Variants in CALCA observed in about 807,000 individuals in gnomAD.
CALCA encodes the protein calcitonin related polypeptide alpha, also known as calcitonin.
Under a neutral mutation model 6.9 loss-of-function variants are expected in CALCA, and 4 were observed. The ratio of observed to expected loss-of-function variants is 0.58; its 90% CI spans 0.29 to 1.33. The LOEUF (loss-of-function observed/expected upper bound fraction) is 1.33, where lower values mean the gene tolerates loss of function less well. Ranked by LOEUF, CALCA falls within the 40% of genes most tolerant of loss-of-function variation. The pLI is 0.09. For synonymous variants in CALCA, 78 were observed against 70.0 expected, an observed-to-expected ratio of 1.11 and a Z score of -0.57; for missense variants, 174 against 178.3, an observed-to-expected ratio of 0.98 and a Z score of 0.14.
rs182043571 is a variant in CALCA, at chr11:14,972,066, G to T, written c.-10+179C>A. ...GCCGAGCAGGAAGAGCGAGCCGGGG[G>T]ATTGAGACTGTCCGATCCAACCTAG... On this transcript the variant is annotated intron_variant, in intron 1 of 3. Coordinates refer to ENST00000331587, the MANE Select transcript of CALCA (RefSeq NM_001741.3). Among the ~76,000 whole-genome samples the T allele has an allele frequency of 7.2e-5, 11 of 152,326 alleles. No homozygotes were observed. In the East Asian group the frequency reaches 2.1e-3, roughly 29 times the overall value.
downstream of CALCA, chr11:14,968,330 G>A: frequency 1.9e-6 from 1 of 534,190 alleles, no homozygotes; most frequent in African/African-American, 2.0e-5. Context: ...TCCTAGAGGT[G>A]CTTACCTGCT....
At chr11:14,968,449 C>T (rs1849507747), downstream of CALCA, 2 of 1,211,724 alleles carry the variant, frequency 1.7e-6, no homozygotes, top group Admixed American at 3.6e-5. Context: ...AGGTCTTAGA[C>T]ACTATGAAGC....
intron 2 of CALCA, 62 bp downstream of exon 2, chr11:14,971,045 C>T (rs2133585540): frequency 1.4e-6 from 2 of 1,407,608 alleles, no homozygotes; most frequent in African/African-American, 1.4e-5. Flanking sequence ...ATTCAGTACA[C>T]CACACTTAAG....
chr11:14,968,312 G>T (rs1849504020), downstream of CALCA: 1 of 423,496 alleles, frequency 2.4e-6, no homozygotes, highest in Non-Finnish European at 3.8e-6. Context: ...GGAGTTTGCA[G>T]CATCAAGTCC....
rs549646577 is a variant in CALCA at position 14,968,633 on chromosome 11, A to G, written c.*166T>C. ...TATTTTCCCAGGTGATTCTCTTCCA[A>G]CCTGTGAGTCCTGCTCTCTTTCCTC... On this transcript the variant is annotated 3_prime_UTR_variant, in exon 4 of 4. Transcript: ENST00000331587. The G allele has an allele frequency of 2.2e-4, 350 of 1,565,532 alleles. 3 individuals carry two copies. The African/African-American group carries it at 4.4e-3, about 20-fold the overall frequency.
chr11:14,968,205 T>C, downstream of CALCA: 1 of 347,056 alleles, frequency 2.9e-6, no homozygotes, highest in South Asian at 2.9e-5. Flanking sequence ...CCCAGCCCCA[T>C]TCACAAAGGA....
rs781865604 is a variant in CALCA at position 14,969,954 on chromosome 11, G to A, written c.208C>T (p.Gln70Ter). 2 of 1,613,336 alleles carry A rather than the reference G, an allele frequency of 1.2e-6. No homozygotes were observed. The highest frequency in any genetic ancestry group is 1.1e-5 in the South Asian group (1 of 91,044). Residue 70 changes from glutamine to a stop codon, truncating the protein, a stop_gained, in exon 3 of 4, where the codon CAA becomes TAA. Transcript: ENST00000331587. LOFTEE classifies it low-confidence loss of function (END_TRUNC). ...CCTCACCTGGAGCCCTCTCTCTCTTGCTCCTGCTCCAGCTCACTGGCCTTC... is the reference window on the plus strand; with the variant it reads ...CCTCACCTGGAGCCCTCTCTCTCTTACTCCTGCTCCAGCTCACTGGCCTTC... ...QMKASELEQE[Q>*]EREGSSLDSP...
rs1555026213 is a variant in CALCA, at chr11:14,970,113, C to A, written c.87-38G>T. 6 of 1,611,018 alleles carry A rather than the reference C, an allele frequency of 3.7e-6. No homozygotes were observed. The African/African-American group carries it at 6.7e-5, about 18-fold the overall frequency. On this transcript the variant is annotated intron_variant, in intron 2 of 3. Coordinates refer to ENST00000331587, the MANE Select transcript of CALCA (RefSeq NM_001741.3). Reference sequence around the variant, plus strand: ...AGCAAACTCAGTGCAGGCTGTGAGCCCCTGCCTGCCCCTCCCCAGGATAAG... The same window carrying A: ...AGCAAACTCAGTGCAGGCTGTGAGCACCTGCCTGCCCCTCCCCAGGATAAG...
downstream of CALCA, chr11:14,967,884 G>A: frequency 1.2e-6 from 2 of 1,614,072 alleles, no homozygotes; most frequent in Non-Finnish European, 1.7e-6. Context: ...AAGAAGAGAA[G>A]ATCTGTGAGT....
chr11:14,971,040 G>C, intron 2 of CALCA, 67 bp downstream of exon 2: 1 of 1,360,144 alleles, frequency 7.4e-7, no homozygotes, highest in Non-Finnish European at 1.1e-6. Context: ...TAAGCATTCA[G>C]TACACCACAC....
chr11:14,968,779 T>G lies in CALCA; in HGVS notation c.*20A>C, dbSNP rs782409051. On this transcript the variant is annotated 3_prime_UTR_variant, in exon 4 of 4. Transcript: ENST00000331587. ...ATAGGAAGGATGCAAGAAGGGAAAT[T>G]AGGAAGGAAAGGGAGGAGTTTAGTT... The G allele has an allele frequency of 6.2e-7, 1 of 1,613,980 alleles. No homozygotes were observed. Among genetic ancestry groups the G allele is most frequent in the East Asian group, 2.2e-5 (1 of 44,868 alleles).
chr11:14,968,313 C>T, downstream of CALCA: 2 of 426,652 alleles, frequency 4.7e-6, no homozygotes, highest in South Asian at 5.9e-5. Context: ...GAGTTTGCAG[C>T]ATCAAGTCCT....
At chr11:14,967,395 G>C (rs980764953), downstream of CALCA, among the ~76,000 whole-genome samples, 1 of 152,092 alleles carries the variant, frequency 6.6e-6, no homozygotes, top group African/African-American at 2.4e-5. Flanking sequence ...AAACTCAAAG[G>C]CTAGAATAAT....
Position 14,968,718 on chromosome 11 carries a change from G to A in CALCA, c.*81C>T, listed in dbSNP as rs1335666949. ...AAAGCCACCAATACCAGCCCAAAGA[G>A]CCACCAGAGAGGAACCAAACCACAT... On this transcript the variant is annotated 3_prime_UTR_variant, in exon 4 of 4. Transcript: ENST00000331587. 6.2e-7 allele frequency: 1 copy of A among 1,612,814 alleles called. No homozygotes were observed.
At position 14,968,684 on chromosome 11, in the gene CALCA, G is replaced by T; in HGVS notation, c.*115C>A. Reference sequence around the variant, plus strand: ...CCATCTGAAGTTTGAGACATCCTCTGCCACAAGGAAAGCCACCAATACCAG... The same window carrying T: ...CCATCTGAAGTTTGAGACATCCTCTTCCACAAGGAAAGCCACCAATACCAG... On this transcript the variant is annotated 3_prime_UTR_variant, in exon 4 of 4. Coordinates refer to ENST00000331587, the MANE Select transcript of CALCA (RefSeq NM_001741.3). 1.2e-6 allele frequency: 2 copies of T among 1,609,964 alleles called. No individual in the cohort carries two copies. Among genetic ancestry groups the T allele is most frequent in the Non-Finnish European group, 1.7e-6 (2 of 1,178,376 alleles).
Position 14,971,269 on chromosome 11 carries a change from T to C in CALCA, c.-9-68A>G, listed in dbSNP as rs1230647617. 3 of 1,035,934 alleles carry C rather than the reference T, an allele frequency of 2.9e-6. No individual in the cohort carries two copies. The East Asian group carries it at 7.1e-5, about 25-fold the overall frequency. The allele number at this position is 1,035,934 out of a possible 1,614,324, so 64.2% of individuals were successfully genotyped here. On this transcript the variant is annotated intron_variant, in intron 1 of 3. Transcript: ENST00000331587. Reference sequence around the variant, plus strand: ...GTTCTAGGAGCCCACAGACCTTGGCTCCTATCCTGGTTTTCTGTCTTGCTT... The same window carrying C: ...GTTCTAGGAGCCCACAGACCTTGGCCCCTATCCTGGTTTTCTGTCTTGCTT...
At chr11:14,969,913 C>T in intron 3 of CALCA, 22 bp downstream of exon 3, 1 of 1,612,366 alleles carries the variant, frequency 6.2e-7, no homozygotes. Context: ...AGGCCCTGTG[C>T]TGAGCGCTTG....
rs782315519 is a variant in CALCA at position 14,969,008 on chromosome 11, AAC to A, written c.228-13_228-12del. On this transcript the variant is annotated splice_polypyrimidine_tract_variant and intron_variant, in intron 3 of 3. Coordinates refer to ENST00000331587, the MANE Select transcript of CALCA (RefSeq NM_001741.3). ...CTGGGGCTGTCCAGGCTGCAGGGAA[AAC>A]ACATACCAGACAGTACCATGCACCA... The A allele has an allele frequency of 6.2e-7, 1 of 1,612,002 alleles. No homozygotes were observed. Among genetic ancestry groups the A allele is most frequent in the Non-Finnish European group, 8.5e-7 (1 of 1,179,062 alleles).
chr11:14,970,983 AT>A (rs1849588887), intron 2 of CALCA, 123 bp downstream of exon 2: 2 of 731,292 alleles, frequency 2.7e-6, no homozygotes, highest in Non-Finnish European at 5.0e-6. Context: ...TCAAAAAATT[AT>A]ATATGTGCAT....
Sources: allele counts gnomAD v4.1 joint callset (sites outside exome capture counted in the v4.1 genomes callset), GRCh38; gene constraint gnomAD v4.1.1; transcripts MANE v1.5; gene names NCBI Gene and HGNC (gene_info 2026-07-23, HGNC 2026-07-21).